ANKS1B: variants seen among roughly 807,000 people sequenced by gnomAD.
ANKS1B encodes the protein ankyrin repeat and sterile alpha motif domain-containing protein 1B.
ANKS1B carries 36 observed loss-of-function variants against 148.3 expected under a neutral mutation model. The ratio of observed to expected loss-of-function variants is 0.24; its 90% CI spans 0.19 to 0.32. The LOEUF is 0.32. Among genes scored for constraint, ANKS1B ranks in the 10% least tolerant of loss-of-function variants. The pLI, the probability that ANKS1B is intolerant of heterozygous loss-of-function variation, is 1.00. For synonymous variants in ANKS1B, 542 were observed against 560.8 expected, an observed-to-expected ratio of 0.97 and a Z score of 0.47; for missense variants, 1,157 against 1,542.6, an observed-to-expected ratio of 0.75 and a Z score of 4.19.
At chr12:99,914,707 T>C (rs1359017794) in intron 1 of ANKS1B, among the ~76,000 whole-genome samples, 1 of 151,864 alleles carries the variant, frequency 6.6e-6, no homozygotes, top group Non-Finnish European at 1.5e-5. Flanking sequence ...TGGTGATGCA[T>C]GGGAGGGTGA....
intron 12 of ANKS1B, among the ~76,000 whole-genome samples, chr12:99,368,412 A>T (rs777226388): frequency 1.3e-5 from 2 of 152,116 alleles, no homozygotes; most frequent in African/African-American, 2.4e-5. Flanking sequence ...TAAAATAATT[A>T]AAAAGTATTT....
chr12:99,658,901 A>G (rs2153450382), intron 8 of ANKS1B, among the ~76,000 whole-genome samples: 1 of 152,344 alleles, frequency 6.6e-6, no homozygotes, highest in East Asian at 1.9e-4. Context: ...TATTTGAAAG[A>G]AAACATTGCC....
intron 9 of ANKS1B, among the ~76,000 whole-genome samples, chr12:99,579,156 T>C (rs568270515): frequency 6.6e-6 from 1 of 152,230 alleles, no homozygotes; most frequent in East Asian, 1.9e-4. Flanking sequence ...ATGCAGAAGA[T>C]TGAAACTGGA....
chr12:99,219,076 T>A (rs1170926367), intron 14 of ANKS1B, among the ~76,000 whole-genome samples: 1 of 152,050 alleles, frequency 6.6e-6, no homozygotes, highest in African/African-American at 2.4e-5. Flanking sequence ...GAGAAGAGGG[T>A]GAATTCTCAT....
intron 14 of ANKS1B, among the ~76,000 whole-genome samples, chr12:99,184,580 T>G (rs1256829109): frequency 1.3e-5 from 2 of 152,232 alleles, no homozygotes; most frequent in Non-Finnish European, 2.9e-5. Flanking sequence ...ATGCCTGTTT[T>G]GTCTATTTCA....
intron 17 of ANKS1B, among the ~76,000 whole-genome samples, chr12:99,049,972 AAC>A (rs1323053510): frequency 2.6e-5 from 4 of 152,206 alleles, no homozygotes; most frequent in African/African-American, 9.6e-5. Context: ...AACATAGAAC[AAC>A]AGTTACTGGA....
At chr12:99,109,037 ATG>A (rs2059776972) in intron 15 of ANKS1B, among the ~76,000 whole-genome samples, 2 of 152,144 alleles carry the variant, frequency 1.3e-5, no homozygotes, top group African/African-American at 4.8e-5. Context: ...TAAAGCTTAA[ATG>A]TGAACTGATG....
chr12:99,716,378 T>C (rs1358711758), intron 8 of ANKS1B, among the ~76,000 whole-genome samples: 2 of 151,864 alleles, frequency 1.3e-5, no homozygotes, highest in African/African-American at 2.4e-5. Flanking sequence ...TCCGAACCTC[T>C]TCCCTCCATG....
At chr12:99,753,780 G>A (rs1195285206) in intron 8 of ANKS1B, among the ~76,000 whole-genome samples, 1 of 152,062 alleles carries the variant, frequency 6.6e-6, no homozygotes, top group Non-Finnish European at 1.5e-5. Flanking sequence ...CTAGCACTTT[G>A]GGAGGCCAAG....
chr12:99,374,178 C>T (rs1051898559), intron 12 of ANKS1B, among the ~76,000 whole-genome samples: 1 of 152,078 alleles, frequency 6.6e-6, no homozygotes, highest in Admixed American at 6.5e-5. Context: ...CCAGAAAATA[C>T]ATAAATGAAT....
At chr12:99,009,606 C>A (rs766997724) in intron 17 of ANKS1B, among the ~76,000 whole-genome samples, 2 of 152,162 alleles carry the variant, frequency 1.3e-5, no homozygotes, top group Non-Finnish European at 2.9e-5. Context: ...CTAAGGATTC[C>A]TTTCCCTGTT....
At chr12:99,137,288 G>T (rs2068452645) in intron 15 of ANKS1B, among the ~76,000 whole-genome samples, 1 of 152,156 alleles carries the variant, frequency 6.6e-6, no homozygotes, top group Non-Finnish European at 1.5e-5. Context: ...TGATGCCAAT[G>T]TAATTACCAT....
intron 17 of ANKS1B, among the ~76,000 whole-genome samples, chr12:99,037,027 T>C (rs2099955987): frequency 6.6e-6 from 1 of 152,214 alleles, no homozygotes; most frequent in African/African-American, 2.4e-5. Context: ...ATGGTATTTC[T>C]AGGTTCCATG....
chr12:99,874,721 A>T (rs1603421100), intron 1 of ANKS1B, among the ~76,000 whole-genome samples: 1 of 152,226 alleles, frequency 6.6e-6, no homozygotes. Context: ...TGCTCCAGAC[A>T]GGCCTGGTGT....
At chr12:99,967,039 T>C (rs2095492536) in intron 1 of ANKS1B, among the ~76,000 whole-genome samples, 1 of 152,146 alleles carries the variant, frequency 6.6e-6, no homozygotes, top group African/African-American at 2.4e-5. Flanking sequence ...CATTAAAGAT[T>C]TAGGTTAAGA....
At chr12:99,829,251 C>A (rs1292091308) in intron 1 of ANKS1B, among the ~76,000 whole-genome samples, 1 of 148,146 alleles carries the variant, frequency 6.8e-6, no homozygotes, top group Non-Finnish European at 1.5e-5. Flanking sequence ...TGGCTCACGC[C>A]TGTAATCCCA....
chr12:99,337,186 T>C (rs1012187360), intron 12 of ANKS1B, among the ~76,000 whole-genome samples: 2 of 152,020 alleles, frequency 1.3e-5, no homozygotes, highest in African/African-American at 4.8e-5. Context: ...TGTGCTTCAT[T>C]GTTTTTTCTT....
chr12:99,420,189 C>T (rs1020589607), intron 11 of ANKS1B, among the ~76,000 whole-genome samples: 1 of 152,202 alleles, frequency 6.6e-6, no homozygotes. Flanking sequence ...CTTTCCATTA[C>T]ATCATTCTGT....
rs539285692 is a variant in ANKS1B at position 99,869,042 on chromosome 12, A to G, written c.135-43653T>C. 1.6e-4 allele frequency among the ~76,000 whole-genome samples: 25 copies of G among 152,258 alleles called. 1 individual carries two copies. The Middle Eastern group carries it at 0.01, about 62-fold the overall frequency. On this transcript the variant is annotated intron_variant, in intron 1 of 26. Coordinates refer to ENST00000683438, the MANE Select transcript of ANKS1B (RefSeq NM_001352186.2). The stretch of plus-strand genomic sequence containing the variant: ...ACTGCAATCCAGCCTAGGTAACAAA[A>G]TGAGAGTCTGTCTCAAAAAATAAAT...
Sources: gnomAD v4.1 joint callset for allele counts (sites outside exome capture counted in the v4.1 genomes callset) on GRCh38, gnomAD v4.1.1 for gene constraint, MANE v1.5 for transcripts, NCBI Gene and HGNC (gene_info 2026-07-23, HGNC 2026-07-21) for gene names.